Variants in WWOX observed in about 807,000 individuals in gnomAD.
WWOX encodes WW domain containing oxidoreductase.
Under a neutral mutation model 46.2 loss-of-function variants are expected in WWOX, and 69 were observed. That is an observed-to-expected ratio of 1.49 (90% CI 1.23 to 1.82). WWOX has a LOEUF of 1.82. Ranked by LOEUF, WWOX falls within the 40% of genes most tolerant of loss-of-function variation. The probability of loss-of-function intolerance (pLI) is 0.00; values close to 1 mark genes in which losing one functional copy is unlikely to be tolerated. For missense variants in WWOX, 919 were observed against 542.6 expected (o/e 1.69, Z -6.89); for synonymous variants, 359 against 202.6 (o/e 1.77, Z -6.56).
chr16:78,921,573 C>G (rs1045303445), intron 8 of WWOX, among the ~76,000 whole-genome samples: 4 of 152,338 alleles, frequency 2.6e-5, no homozygotes, highest in Middle Eastern at 3.4e-3. Context: ...GCAGCTTACT[C>G]ACATTCTCAT....
intron 8 of WWOX, among the ~76,000 whole-genome samples, chr16:78,586,753 C>T (rs1258987968): frequency 6.6e-6 from 1 of 152,126 alleles, no homozygotes; most frequent in Non-Finnish European, 1.5e-5. Flanking sequence ...TATTCTTTGA[C>T]ATAGAGGAAT....
intron 8 of WWOX, among the ~76,000 whole-genome samples, chr16:79,057,342 T>C (rs565567664): frequency 6.6e-6 from 1 of 152,302 alleles, no homozygotes; most frequent in South Asian, 2.1e-4. Context: ...TGGATGCAAT[T>C]GCCCCCAAAT....
At chr16:78,782,950 A>T (rs1015092822) in intron 8 of WWOX, among the ~76,000 whole-genome samples, 2 of 152,196 alleles carry the variant, frequency 1.3e-5, no homozygotes, top group Non-Finnish European at 2.9e-5. Flanking sequence ...GATTTCTCAT[A>T]CATCAGGCCA....
chr16:78,734,742 G>C (rs920669820), intron 8 of WWOX, among the ~76,000 whole-genome samples: 1 of 149,600 alleles, frequency 6.7e-6, no homozygotes, highest in African/African-American at 2.4e-5. Flanking sequence ...AAGTGCCTGA[G>C]CTTCGTCTCA....
In WWOX at chr16:78,533,117, G is replaced by A. The variant is rs537367032; in HGVS notation, c.1056+100365G>A. ...CTTTCCATCCTCAGAACTCCTCCCA[G>A]TGCCTCTCAATGGCTAAACCAACCA... is the stretch of plus-strand genomic sequence containing the variant. On this transcript the variant is annotated intron_variant, in intron 8 of 8. Transcript: ENST00000566780. 3.3e-5 allele frequency among the ~76,000 whole-genome samples: 5 copies of A among 152,256 alleles called. No homozygotes were observed. The South Asian group carries it at 1.0e-3, about 32-fold the overall frequency.
At chr16:78,962,866 C>A (rs764390120) in intron 8 of WWOX, among the ~76,000 whole-genome samples, 8 of 152,142 alleles carry the variant, frequency 5.3e-5, no homozygotes, top group Non-Finnish European at 1.0e-4. Flanking sequence ...GTTTTCTGTT[C>A]CTGAATTCAT....
intron 8 of WWOX, chr16:78,891,032 C>A (rs1177242819): frequency 6.6e-6 from 1 of 152,084 alleles, no homozygotes; most frequent in Non-Finnish European, 1.5e-5. Flanking sequence ...TTTCCTAAAT[C>A]CCTCAATATG....
intron 8 of WWOX, among the ~76,000 whole-genome samples, chr16:79,141,218 T>C (rs1174005451): frequency 6.6e-6 from 1 of 152,218 alleles, no homozygotes; most frequent in Non-Finnish European, 1.5e-5. Context: ...ACCTATGACC[T>C]GGAAGCCCCC....
intron 8 of WWOX, among the ~76,000 whole-genome samples, chr16:78,879,783 A>G (rs2044305966): frequency 6.6e-6 from 1 of 152,052 alleles, no homozygotes; most frequent in Admixed American, 6.6e-5. Flanking sequence ...AGGCTGAGGC[A>G]GGAGAGTCGC....
intron 4 of WWOX, among the ~76,000 whole-genome samples, chr16:78,145,591 C>T (rs1438123622): frequency 1.3e-5 from 2 of 152,184 alleles, no homozygotes; most frequent in Admixed American, 6.5e-5. Context: ...GGGTCTGTCT[C>T]TCTTCATCCG....
At chr16:78,122,402 T>C (rs2033140481) in intron 4 of WWOX, among the ~76,000 whole-genome samples, 1 of 152,190 alleles carries the variant, frequency 6.6e-6, no homozygotes, top group South Asian at 2.1e-4. Context: ...CAAACTATTG[T>C]TTAATGACAA....
chr16:79,131,492 C>A (rs571754055), intron 8 of WWOX, among the ~76,000 whole-genome samples: 4 of 152,192 alleles, frequency 2.6e-5, no homozygotes, highest in Middle Eastern at 3.4e-3. Flanking sequence ...TTAAGCAATA[C>A]CCCTGAATGT....
rs146774533 is a variant in WWOX at position 79,142,365 on chromosome 16, A to G, written c.1057-69243A>G. On this transcript the variant is annotated intron_variant, in intron 8 of 8. Transcript: ENST00000566780. ...GAACTGGCTGCACCAGCAGGAGCCA[A>G]TGATTACCCATCTCCCATGTTTAGT... Among the ~76,000 whole-genome samples the G allele has an allele frequency of 4.4e-3, 677 of 152,312 alleles. 4 individuals carry two copies. The highest frequency in any genetic ancestry group is 0.015 in the African/African-American group (629 of 41,574).
At position 78,338,876 on chromosome 16, in the gene WWOX, T is replaced by C. The variant is rs905157528; in HGVS notation, c.517-47984T>C. On this transcript the variant is annotated intron_variant, in intron 5 of 8. Coordinates refer to ENST00000566780, the MANE Select transcript of WWOX (RefSeq NM_016373.4). ...GAGTTTAAAGTTAGTCAGGTATGTC[T>C]ATTAAATTTTTACGTAAAAAGTTAA... Among the ~76,000 whole-genome samples the C allele has an allele frequency of 9.9e-5, 12 of 121,458 alleles. No individual in the cohort carries two copies. In the East Asian group the frequency reaches 2.3e-3, roughly 23 times the overall value. 79.7% of individuals were successfully genotyped at this position (121,458 alleles called of 152,430 possible).
At chr16:78,485,280 A>G (rs1395744306) in intron 8 of WWOX, among the ~76,000 whole-genome samples, 1 of 152,148 alleles carries the variant, frequency 6.6e-6, no homozygotes, top group Admixed American at 6.5e-5. Context: ...TTTCAATGAA[A>G]CTACATGTTC....
chr16:78,224,379 C>A (rs1438966321), intron 5 of WWOX, among the ~76,000 whole-genome samples: 6 of 149,358 alleles, frequency 4.0e-5, no homozygotes, highest in African/African-American at 1.2e-4. Flanking sequence ...TGATAACACA[C>A]GTATATATTA....
rs766301865 is a variant in WWOX at position 78,503,354 on chromosome 16, G to C, written c.1056+70602G>C. ...AGTACCTTCCAACTGTTCCACTTTT[G>C]TAAATTTAGTTCAGATAATACATAT... On this transcript the variant is annotated intron_variant, in intron 8 of 8. Coordinates refer to ENST00000566780, the MANE Select transcript of WWOX (RefSeq NM_016373.4). Among the ~76,000 whole-genome samples the C allele has an allele frequency of 1.6e-3, 237 of 151,854 alleles. 2 individuals carry two copies. The highest frequency in any genetic ancestry group is 3.7e-4 in the Non-Finnish European group (25 of 67,968).
At chr16:78,641,931 C>G (rs537817954) in intron 8 of WWOX, among the ~76,000 whole-genome samples, 7 of 151,986 alleles carry the variant, frequency 4.6e-5, no homozygotes, top group Non-Finnish European at 8.8e-5. Context: ...AGATCTTGAT[C>G]GCAGACACGG....
intron 5 of WWOX, among the ~76,000 whole-genome samples, chr16:78,265,220 T>G (rs1226365047): frequency 6.6e-6 from 1 of 151,862 alleles, no homozygotes; most frequent in Non-Finnish European, 1.5e-5. Context: ...AGGCTGGTCT[T>G]GAACTCCTGA....
Sources: gnomAD v4.1 joint callset for allele counts (sites outside exome capture counted in the v4.1 genomes callset) on GRCh38, gnomAD v4.1.1 for gene constraint, MANE v1.5 for transcripts, NCBI Gene and HGNC (gene_info 2026-07-23, HGNC 2026-07-21) for gene names.